The following XPO7 variants were observed in gnomAD, a reference collection of about 807,000 sequenced individuals.
The protein encoded by XPO7 is exportin-7.
In XPO7, 21 loss-of-function variants were observed where a neutral mutation model predicts 144.3. The ratio of observed to expected loss-of-function variants is 0.15; its 90% CI spans 0.10 to 0.21. The LOEUF (loss-of-function observed/expected upper bound fraction) is 0.21. Ranked by LOEUF, XPO7 falls within the 10% of genes least tolerant of loss-of-function variation. XPO7 has a pLI of 1.00. For missense variants in XPO7, 808 were observed against 1,325.8 expected, an observed-to-expected ratio of 0.61 and a Z score of 6.06; for synonymous variants, 580 against 499.6, an observed-to-expected ratio of 1.16 and a Z score of -2.15.
intron 1 of XPO7, among the ~76,000 whole-genome samples, chr8:21,946,080 C>G (rs1487907139): frequency 2.6e-5 from 4 of 152,102 alleles, no homozygotes; most frequent in Non-Finnish European, 5.9e-5. Context: ...AGATTTATGT[C>G]AACATATGAT....
intron 1 of XPO7, among the ~76,000 whole-genome samples, chr8:21,958,643 T>G (rs565964453): frequency 6.8e-4 from 102 of 150,922 alleles, no homozygotes; most frequent in African/African-American, 2.4e-3. Flanking sequence ...ACCTTACAGT[T>G]GTTTAGTGTG....
intron 13 of XPO7, among the ~76,000 whole-genome samples, 181 bp from the exon 14 acceptor site, chr8:21,986,960 C>T (rs889085692): frequency 1.3e-5 from 2 of 152,192 alleles, no homozygotes; most frequent in African/African-American, 4.8e-5. Context: ...CTTCATGTGT[C>T]TCCAAAAAGA....
chr8:21,962,150 T>G (rs1811745309), intron 1 of XPO7, among the ~76,000 whole-genome samples: 1 of 152,220 alleles, frequency 6.6e-6, no homozygotes, highest in Non-Finnish European at 1.5e-5. Flanking sequence ...AAATAAATAG[T>G]GTGCATTTAT....
chr8:21,942,642 G>A (rs1413624767), intron 1 of XPO7, among the ~76,000 whole-genome samples: 1 of 152,240 alleles, frequency 6.6e-6, no homozygotes, highest in South Asian at 2.1e-4. Context: ...GATAATTGTG[G>A]GTATTCTTCA....
intron 1 of XPO7, among the ~76,000 whole-genome samples, chr8:21,946,582 A>AC (rs1430411482): frequency 2.0e-5 from 2 of 101,996 alleles, no homozygotes; most frequent in Non-Finnish European, 4.0e-5. Context: ...CTGAAAAAAA[A>AC]AAACAAAAAA....
rs570302268 is a variant in XPO7 at position 21,941,270 on chromosome 8, C to T, written c.18+21482C>T. On this transcript the variant is annotated intron_variant, in intron 1 of 27. Transcript: ENST00000252512. The stretch of plus-strand genomic sequence containing the variant: ...CTGGACTCAGGCAATCCTCCTACCT[C>T]GGTCTCCCTAGAAGGTGAAACTACA... Among the ~76,000 whole-genome samples the T allele has an allele frequency of 2.1e-4, 32 of 152,096 alleles. No homozygotes were observed. In the East Asian group the frequency reaches 2.1e-3, roughly 10 times the overall value.
intron 1 of XPO7, among the ~76,000 whole-genome samples, chr8:21,940,789 G>A (rs980696822): frequency 1.3e-5 from 2 of 151,988 alleles, no homozygotes; most frequent in African/African-American, 4.8e-5. Context: ...CATTTTCATC[G>A]TCCTGTATAG....
chr8:21,963,349 C>T (rs997078246), intron 1 of XPO7, among the ~76,000 whole-genome samples: 3 of 152,104 alleles, frequency 2.0e-5, no homozygotes, highest in East Asian at 3.8e-4. Context: ...AAGCAAGAAT[C>T]GTAGTCTGTG....
chr8:21,954,432 G>A (rs1351472012), intron 1 of XPO7, among the ~76,000 whole-genome samples: 2 of 152,102 alleles, frequency 1.3e-5, no homozygotes, highest in Non-Finnish European at 2.9e-5. Context: ...TCAGGAGTTC[G>A]TGACCAGCCT....
intron 1 of XPO7, among the ~76,000 whole-genome samples, chr8:21,927,942 A>G (rs1303882145): frequency 6.6e-6 from 1 of 152,218 alleles, no homozygotes; most frequent in Admixed American, 6.5e-5. Flanking sequence ...ACTGTTGTGT[A>G]AATCTGTTGC....
Position 21,980,064 on chromosome 8 carries a change from G to C in XPO7, c.838-20G>C. On this transcript the variant is annotated intron_variant, in intron 8 of 27. Transcript: ENST00000252512. Reference sequence around the variant, plus strand: ...TACAGTCTTTTTAATCGTTGTGTTTGGGTTCTGCCCTGCATTTAGGTATTA... The same window carrying C: ...TACAGTCTTTTTAATCGTTGTGTTTCGGTTCTGCCCTGCATTTAGGTATTA... 1 of 1,552,156 alleles carries C rather than the reference G, an allele frequency of 6.4e-7. No homozygotes were observed. Among genetic ancestry groups the C allele is most frequent in the East Asian group, 2.3e-5 (1 of 42,670 alleles).
chr8:21,982,657 A>G lies in XPO7; in HGVS notation c.1122A>G (p.Pro374=). The part of the protein sequence containing the change: ...VTSLQHWEFA[P]NSVHYLLSLW... ...TTCTTTAGCACTGGGAATTTGCTCC[A>G]AATAGTGTGCACTATCTTCTGAGCC... The change falls in exon 11 of 28, where the codon CCA becomes CCG. Residue 374 remains proline, a synonymous_variant. Coordinates refer to ENST00000252512, the MANE Select transcript of XPO7 (RefSeq NM_015024.5). 2 of 1,595,626 alleles carry G rather than the reference A, an allele frequency of 1.3e-6. No individual in the cohort carries two copies. The highest frequency in any genetic ancestry group is 1.7e-6 in the Non-Finnish European group (2 of 1,173,948).
chr8:22,003,824 C>A, intron 26 of XPO7, 79 bp from the exon 27 acceptor site: 1 of 1,592,268 alleles, frequency 6.3e-7, no homozygotes, highest in Non-Finnish European at 8.6e-7. Flanking sequence ...GAAGAACATT[C>A]TTCAACCCTG....
chr8:21,982,651 T>C lies in XPO7; in HGVS notation c.1116T>C (p.Phe372=), dbSNP rs776228166. Residue 372 remains phenylalanine (F), a synonymous_variant, in exon 11 of 28, where the codon TTT becomes TTC. Transcript: ENST00000252512. The stretch of plus-strand genomic sequence containing the variant: ...CTACTTTTCTTTAGCACTGGGAATT[T>C]GCTCCAAATAGTGTGCACTATCTTC... ...FTVTSLQHWE[F]APNSVHYLLS... is the part of the protein sequence containing the mutation. 8.2e-6 allele frequency: 13 copies of C among 1,583,906 alleles called. No homozygotes were observed. In the Admixed American group the frequency reaches 9.6e-5, roughly 12 times the overall value.
intron 18 of XPO7, 48 bp downstream of exon 18, chr8:21,990,967 T>C (rs746921211): frequency 6.5e-7 from 1 of 1,549,420 alleles, no homozygotes; most frequent in East Asian, 2.3e-5. Context: ...GGCACTCTTC[T>C]AAATTTTTAT....
chr8:21,993,935 C>CTCTCTCTG (rs1221684410), intron 19 of XPO7, among the ~76,000 whole-genome samples: 2 of 151,222 alleles, frequency 1.3e-5, no homozygotes, highest in Non-Finnish European at 2.9e-5. Flanking sequence ...CTCTCTCTCT[C>CTCTCTCTG]TCTCTGTCTC....
Position 21,998,726 on chromosome 8 carries a change from C to G in XPO7, c.2346-29C>G, listed in dbSNP as rs1264592707. 3.1e-6 allele frequency: 5 copies of G among 1,607,620 alleles called. No individual in the cohort carries two copies. The Admixed American group carries it at 6.7e-5, about 21-fold the overall frequency. On this transcript the variant is annotated intron_variant, in intron 21 of 27. Transcript: ENST00000252512. ...CAGTCTTCCAAGAAAACACCTCTGA[C>G]TTTTTCTCCTCCTGTGCTCTCTGCT... is the stretch of plus-strand genomic sequence containing the variant.
rs1811878408 is a variant in XPO7, at chr8:21,966,240, AAC to A, written c.19-616_19-615del. Reference sequence around the variant, plus strand: ...TTTGACGCTTTCATTTTAAATTTGGAACCAAAGTAAGAGTTTAAAGTGCAACA... The same window carrying A: ...TTTGACGCTTTCATTTTAAATTTGGACAAAGTAAGAGTTTAAAGTGCAACA... On this transcript the variant is annotated intron_variant, in intron 1 of 27. Coordinates refer to ENST00000252512, the MANE Select transcript of XPO7 (RefSeq NM_015024.5). The A allele has an allele frequency of 3.9e-6, 3 of 773,190 alleles. No homozygotes were observed. The South Asian group carries it at 4.1e-5, about 11-fold the overall frequency. 47.9% of individuals were successfully genotyped at this position (773,190 alleles called of 1,614,324 possible). A position where few individuals can be genotyped will look rare whatever the true frequency, so the allele number is the denominator to read the frequency against.
At chr8:22,004,936 A>T in intron 27 of XPO7, 59 bp from the exon 28 acceptor site, 1 of 795,906 alleles carries the variant, frequency 1.3e-6, no homozygotes, top group Non-Finnish European at 1.9e-6. Flanking sequence ...AAAAAAAAAA[A>T]AGGCAAATAC....
Sources: gnomAD v4.1 joint callset for allele counts (sites outside exome capture counted in the v4.1 genomes callset) on GRCh38, gnomAD v4.1.1 for gene constraint, MANE v1.5 for transcripts, NCBI Gene and HGNC (gene_info 2026-07-23, HGNC 2026-07-21) for gene names.